The following RAB33B variants were observed in gnomAD, a reference collection of about 807,000 sequenced individuals.
RAB33B encodes the protein RAB33B, member RAS oncogene family.
RAB33B carries 6 observed loss-of-function variants against 15.0 expected under a neutral mutation model. That is an observed-to-expected ratio of 0.40 (90% CI 0.22 to 0.79). The LOEUF (loss-of-function observed/expected upper bound fraction) is 0.79. RAB33B is among the 30% of genes least tolerant of loss of function. The probability of loss-of-function intolerance (pLI) is 0.37; values close to 1 mark genes in which losing one functional copy is unlikely to be tolerated. For missense variants in RAB33B, 257 were observed against 296.4 expected (o/e 0.87, Z 0.98); for synonymous variants, 117 against 108.3 (o/e 1.08, Z -0.50).
chr4:139,467,897 A>G (rs777522831), intron 1 of RAB33B, among the ~76,000 whole-genome samples: 15 of 151,150 alleles, frequency 9.9e-5, no homozygotes, highest in Non-Finnish European at 1.8e-4. Flanking sequence ...TTAAAAATAT[A>G]CAATTATTGT....
Position 139,473,363 on chromosome 4 carries a change from T to G in RAB33B, c.*237T>G. On this transcript the variant is annotated 3_prime_UTR_variant, in exon 2 of 2. Coordinates refer to ENST00000305626, the MANE Select transcript of RAB33B (RefSeq NM_031296.3). Reference sequence around the variant, plus strand: ...CAAAGATAGGATGAATCTGAACATCTCTCCATCTAGAGCCCAATGAAGGAA... The same window carrying G: ...CAAAGATAGGATGAATCTGAACATCGCTCCATCTAGAGCCCAATGAAGGAA... 2.0e-6 allele frequency: 1 copy of G among 500,992 alleles called. No individual in the cohort carries two copies. Among genetic ancestry groups the G allele is most frequent in the Non-Finnish European group, 3.5e-6 (1 of 284,106 alleles). The allele number at this position is 500,992 out of a possible 1,614,324, so 31.0% of individuals were successfully genotyped here.
Position 139,474,373 on chromosome 4 carries a change from T to C in RAB33B, c.*1247T>C, listed in dbSNP as rs1750460374. 6.6e-6 allele frequency: 1 copy of C among 152,212 alleles called. No homozygotes were observed. The highest frequency in any genetic ancestry group is 2.4e-5 in the African/African-American group (1 of 41,450). 9.4% of individuals were successfully genotyped at this position (152,212 alleles called of 1,614,324 possible). On this transcript the variant is annotated 3_prime_UTR_variant, in exon 2 of 2. Coordinates refer to ENST00000305626, the MANE Select transcript of RAB33B (RefSeq NM_031296.3). ...TTGGGGGAAAATAGGTAAACATAGC[T>C]TCTAGCTAACACAGGAGACCTATTC...
At chr4:139,466,489 C>T (rs982629362) in intron 1 of RAB33B, among the ~76,000 whole-genome samples, 1 of 152,070 alleles carries the variant, frequency 6.6e-6, no homozygotes, top group African/African-American at 2.4e-5. Flanking sequence ...CTCTAGTTCC[C>T]TTGGATAGCT....
At chr4:139,442,624 C>T in the RAB33B span, among the ~76,000 whole-genome samples, 1 of 152,274 alleles carries the variant, frequency 6.6e-6, no homozygotes, top group South Asian at 2.1e-4. Flanking sequence ...GCCTCCCAGC[C>T]TATACCTTTC....
intron 1 of RAB33B, among the ~76,000 whole-genome samples, chr4:139,462,866 G>T (rs577740043): frequency 2.1e-3 from 318 of 152,240 alleles, no homozygotes; most frequent in Non-Finnish European, 3.2e-3. Context: ...TATTTGAAAG[G>T]AATACTGCCT....
intron 1 of RAB33B, among the ~76,000 whole-genome samples, chr4:139,456,028 T>C (rs905296239): frequency 6.6e-6 from 1 of 152,194 alleles, no homozygotes; most frequent in East Asian, 1.9e-4. Context: ...CTTTAACCTC[T>C]CAGAGTCTGT....
At chr4:139,470,478 CA>C (rs993733658) in intron 1 of RAB33B, among the ~76,000 whole-genome samples, 2 of 152,178 alleles carry the variant, frequency 1.3e-5, no homozygotes, top group Admixed American at 6.5e-5. Flanking sequence ...AGGGCAGGTC[CA>C]AAAATGCTGT....
At chr4:139,453,581 T>C (rs1749982918), upstream of RAB33B, 1 of 152,154 alleles carries the variant, frequency 6.6e-6, no homozygotes, top group South Asian at 2.1e-4. Flanking sequence ...CGATGCCACA[T>C]CCTCAGCGGC....
At chr4:139,453,944 C>G (rs575744342), upstream of RAB33B, 1 of 365,204 alleles carries the variant, frequency 2.7e-6, no homozygotes, top group African/African-American at 2.1e-5. Flanking sequence ...GGTAGACCGG[C>G]GCCAGCCCGA....
chr4:139,470,034 G>A (rs1257374769), intron 1 of RAB33B, among the ~76,000 whole-genome samples: 1 of 152,162 alleles, frequency 6.6e-6, no homozygotes, highest in Non-Finnish European at 1.5e-5. Context: ...CCCAAGGCCT[G>A]CTGTAACTAC....
At chr4:139,464,412 T>TTTA (rs1219590958) in intron 1 of RAB33B, among the ~76,000 whole-genome samples, 1 of 137,610 alleles carries the variant, frequency 7.3e-6, no homozygotes, top group Admixed American at 7.1e-5. Flanking sequence ...TTTTTTTTTT[T>TTTA]ATACTTTAAG....
At chr4:139,454,572 T>C (rs1750026397) in intron 1 of RAB33B, 128 bp downstream of exon 1, 1 of 1,096,250 alleles carries the variant, frequency 9.1e-7, no homozygotes, top group South Asian at 1.6e-5. Context: ...GAGATTGGAG[T>C]TGGGGATTGG....
rs185509411 is a variant in RAB33B at position 139,466,779 on chromosome 4, C to G, written c.250-5907C>G. Among the ~76,000 whole-genome samples the G allele has an allele frequency of 3.9e-3, 588 of 151,638 alleles. 4 individuals carry two copies. Among genetic ancestry groups the G allele is most frequent in the African/African-American group, 0.013 (543 of 41,356 alleles). The stretch of plus-strand genomic sequence containing the variant: ...ATCTTTGGTAGAGACGGGGTTTTGC[C>G]CTGTTGGCCAGGCTGGTCTTGAACT... On this transcript the variant is annotated intron_variant, in intron 1 of 1. Transcript: ENST00000305626.
At chr4:139,444,541 G>C in the RAB33B span, among the ~76,000 whole-genome samples, 1 of 152,050 alleles carries the variant, frequency 6.6e-6, no homozygotes, top group East Asian at 1.9e-4. Context: ...CTTTTACCAG[G>C]GTAAAACTGT....
chr4:139,454,759 A>G (rs1231894194), intron 1 of RAB33B, among the ~76,000 whole-genome samples: 1 of 151,962 alleles, frequency 6.6e-6, no homozygotes, highest in Non-Finnish European at 1.5e-5. Context: ...GGGCTTATCT[A>G]CCGACCCATT....
intron 1 of RAB33B, among the ~76,000 whole-genome samples, chr4:139,472,219 T>C (rs909676546): frequency 6.6e-6 from 1 of 152,210 alleles, no homozygotes; most frequent in African/African-American, 2.4e-5. Context: ...CTGGATTTCA[T>C]AGACATACAC....
chr4:139,445,617 T>C, the RAB33B span, among the ~76,000 whole-genome samples: 8 of 152,214 alleles, frequency 5.3e-5, no homozygotes, highest in Non-Finnish European at 8.8e-5. Flanking sequence ...CATTTGGATT[T>C]TGGAGGCAAC....
At chr4:139,444,717 A>C in the RAB33B span, among the ~76,000 whole-genome samples, 1 of 152,286 alleles carries the variant, frequency 6.6e-6, no homozygotes, top group South Asian at 2.1e-4. Context: ...TCCAACTGAC[A>C]GTGTGTCCAG....
At chr4:139,471,151 C>T (rs1750381873) in intron 1 of RAB33B, among the ~76,000 whole-genome samples, 1 of 152,180 alleles carries the variant, frequency 6.6e-6, no homozygotes, top group African/African-American at 2.4e-5. Context: ...CCTAGACTGC[C>T]TTTCAAGTTT....
Sources: allele counts gnomAD v4.1 joint callset (sites outside exome capture counted in the v4.1 genomes callset), GRCh38; gene constraint gnomAD v4.1.1; transcripts MANE v1.5; gene names NCBI Gene and HGNC (gene_info 2026-07-23, HGNC 2026-07-21).